STAM: variants seen among roughly 807,000 people sequenced by gnomAD.
STAM encodes the protein signal transducing adaptor molecule.
A neutral mutation model predicts 63.4 loss-of-function variants in STAM; 16 were observed. The observed-to-expected ratio is 0.25, with a 90% confidence interval of 0.17 to 0.38. STAM has a LOEUF of 0.38. Among genes scored for constraint, STAM ranks in the 10% least tolerant of loss-of-function variants. STAM has a pLI of 1.00. For synonymous variants in STAM, 238 were observed against 223.9 expected, an observed-to-expected ratio of 1.06 and a Z score of -0.56; for missense variants, 636 against 657.1, an observed-to-expected ratio of 0.97 and a Z score of 0.35.
intron 12 of STAM, among the ~76,000 whole-genome samples, chr10:17,707,800 G>T (rs915580521): frequency 6.6e-5 from 10 of 151,804 alleles, no homozygotes; most frequent in Admixed American, 1.3e-4. Context: ...TTAGACTTTG[G>T]GTAGTTAAGA....
chr10:17,699,389 G>A (rs565992841), intron 8 of STAM, among the ~76,000 whole-genome samples: 1 of 152,042 alleles, frequency 6.6e-6, no homozygotes, highest in Non-Finnish European at 1.5e-5. Context: ...CCACATTGAT[G>A]CAAGGATTAA....
chr10:17,661,486 A>G (rs1554822876), intron 2 of STAM, among the ~76,000 whole-genome samples: 3 of 152,102 alleles, frequency 2.0e-5, no homozygotes, highest in Non-Finnish European at 4.4e-5. Flanking sequence ...CTTTATGTAG[A>G]TGGCATCTGT....
intron 13 of STAM, among the ~76,000 whole-genome samples, chr10:17,711,616 C>A (rs946281828): frequency 6.6e-6 from 1 of 152,184 alleles, no homozygotes; most frequent in Non-Finnish European, 1.5e-5. Context: ...GGAAGATGTT[C>A]TGTCACGTCA....
chr10:17,690,304 G>A (rs1196917068), intron 5 of STAM, among the ~76,000 whole-genome samples: 2 of 152,194 alleles, frequency 1.3e-5, no homozygotes, highest in Non-Finnish European at 2.9e-5. Context: ...ATTATGTCTT[G>A]ATTGGTAGAG....
intron 2 of STAM, 92 bp from the exon 3 acceptor site, chr10:17,684,583 C>A: frequency 1.1e-6 from 1 of 942,914 alleles, no homozygotes; most frequent in East Asian, 2.6e-5. Context: ...CATAGTCTCC[C>A]TTTTTATCGT....
intron 2 of STAM, among the ~76,000 whole-genome samples, chr10:17,667,974 G>T (rs1554823643): frequency 6.6e-6 from 1 of 152,156 alleles, no homozygotes; most frequent in African/African-American, 2.4e-5. Flanking sequence ...ATGGTTGGAA[G>T]GTAGGATCCT....
intron 7 of STAM, chr10:17,695,733 T>C (rs2131660745): frequency 6.6e-6 from 1 of 152,348 alleles, no homozygotes; most frequent in Middle Eastern, 3.4e-3. Context: ...TACTTGAAAA[T>C]GAATTGTTAC....
intron 2 of STAM, among the ~76,000 whole-genome samples, chr10:17,674,758 A>G (rs1554824469): frequency 6.6e-6 from 1 of 152,214 alleles, no homozygotes; most frequent in Non-Finnish European, 1.5e-5. Flanking sequence ...GTTCATGTCA[A>G]AGGAATTATT....
intron 2 of STAM, among the ~76,000 whole-genome samples, chr10:17,664,912 G>A (rs1834315447): frequency 6.6e-6 from 1 of 152,088 alleles, no homozygotes; most frequent in Non-Finnish European, 1.5e-5. Flanking sequence ...CAGTAATATT[G>A]TATTTTTTAA....
At chr10:17,650,419 A>G (rs1227344837) in intron 1 of STAM, among the ~76,000 whole-genome samples, 3 of 152,238 alleles carry the variant, frequency 2.0e-5, no homozygotes, top group Admixed American at 2.0e-4. Flanking sequence ...CAAGTTCAGC[A>G]TGTTCAAAAC....
At chr10:17,700,872 A>G (rs1564566441) in intron 9 of STAM, among the ~76,000 whole-genome samples, 1 of 152,212 alleles carries the variant, frequency 6.6e-6, no homozygotes, top group South Asian at 2.1e-4. Context: ...TTGTCATTAA[A>G]TTACTTCTAC....
chr10:17,659,532 G>A (rs1286809309), intron 1 of STAM, among the ~76,000 whole-genome samples: 3 of 130,296 alleles, frequency 2.3e-5, no homozygotes, highest in African/African-American at 5.9e-5. Context: ...TGCAGTGTAC[G>A]ATCATAGCTA....
intron 6 of STAM, 27 bp downstream of exon 6, chr10:17,693,339 GA>G: frequency 6.5e-7 from 1 of 1,545,844 alleles, no homozygotes; most frequent in Non-Finnish European, 8.8e-7. Flanking sequence ...CTGATGGTGG[GA>G]ATAACATAAG....
intron 2 of STAM, among the ~76,000 whole-genome samples, chr10:17,667,746 C>T (rs754767074): frequency 6.6e-6 from 1 of 152,162 alleles, no homozygotes; most frequent in Non-Finnish European, 1.5e-5. Flanking sequence ...GAGGGGGTTA[C>T]GTTTATGCTA....
chr10:17,669,700 C>CTT (rs1473808785), intron 2 of STAM, among the ~76,000 whole-genome samples: 4 of 140,560 alleles, frequency 2.8e-5, no homozygotes, highest in African/African-American at 7.8e-5. Context: ...TTCTTTCTTT[C>CTT]TTTTTTTTTT....
Position 17,704,452 on chromosome 10 carries a change from C to T in STAM, c.934C>T (p.Gln312Ter). Residue 312 changes from glutamine to a stop codon, truncating the protein, a stop_gained, in exon 10 of 14, where the codon CAG (glutamine) becomes TAG (stop). Transcript: ENST00000377524. LOFTEE classifies it high-confidence loss of function. The stretch of plus-strand genomic sequence containing the variant: ...GTAGGATAAAATGGACCAGTTGCTA[C>T]AGATGCTGCAAAGTACAGACCCCAG... ...IDEDKMDQLL[Q>*]MLQSTDPSDD... 6.2e-7 allele frequency: 1 copy of T among 1,614,022 alleles called. No homozygotes were observed. The highest frequency in any genetic ancestry group is 8.5e-7 in the Non-Finnish European group (1 of 1,179,942).
intron 12 of STAM, among the ~76,000 whole-genome samples, chr10:17,707,520 A>AG (rs1489201405): frequency 1.3e-5 from 2 of 152,170 alleles, no homozygotes; most frequent in African/African-American, 4.8e-5. Flanking sequence ...TAGCAGAATG[A>AG]GGGGCCAGCA....
chr10:17,684,775 A>G (rs782664718), intron 3 of STAM, 25 bp downstream of exon 3: 2 of 1,613,680 alleles, frequency 1.2e-6, no homozygotes, highest in Non-Finnish European at 8.5e-7. Flanking sequence ...TTTAATCTGT[A>G]CCACGAAATT....
intron 10 of STAM, 31 bp from the exon 11 acceptor site, chr10:17,704,939 T>C: frequency 6.3e-7 from 1 of 1,591,716 alleles, no homozygotes; most frequent in Non-Finnish European, 8.6e-7. Context: ...TCTTGTACTT[T>C]CTTATATTTC....
Sources: allele counts gnomAD v4.1 joint callset (sites outside exome capture counted in the v4.1 genomes callset), GRCh38; gene constraint gnomAD v4.1.1; transcripts MANE v1.5; gene names NCBI Gene and HGNC (gene_info 2026-07-23, HGNC 2026-07-21).